The following SLCO1A2 variants were observed in gnomAD, a reference collection of about 807,000 sequenced individuals.
The protein encoded by SLCO1A2 is solute carrier organic anion transporter family member 1A2.
Under a neutral mutation model 69.0 loss-of-function variants are expected in SLCO1A2, and 67 were observed. That is an observed-to-expected ratio of 0.97 (90% confidence interval 0.80 to 1.19). The LOEUF is 1.19. Among genes scored for constraint, SLCO1A2 ranks in the 50% most tolerant of loss-of-function variants. The pLI is 0.00. For synonymous variants in SLCO1A2, 260 were observed against 265.9 expected (o/e 0.98, Z 0.22); for missense variants, 787 against 793.7 (o/e 0.99, Z 0.10).
chr12:21,299,283 G>A (rs899181493), intron 8 of SLCO1A2, among the ~76,000 whole-genome samples: 48 of 151,978 alleles, frequency 3.2e-4, no homozygotes, highest in African/African-American at 1.1e-3. Context: ...GTGCTCTTGA[G>A]TACTAAATAC....
At chr12:21,303,398 AAAG>A (rs1445598329) in intron 6 of SLCO1A2, among the ~76,000 whole-genome samples, 1 of 152,204 alleles carries the variant, frequency 6.6e-6, no homozygotes, top group Admixed American at 6.5e-5. Context: ...AATCACTGAA[AAAG>A]ATTATTGCAA....
chr12:21,324,353 G>A (rs1220465139), intron 2 of SLCO1A2, among the ~76,000 whole-genome samples: 1 of 152,146 alleles, frequency 6.6e-6, no homozygotes, highest in African/African-American at 2.4e-5. Flanking sequence ...CAGTTTGTGT[G>A]TAAAAATAAG....
intron 1 of SLCO1A2, chr12:21,403,695 C>T (rs1941774626): frequency 6.8e-6 from 1 of 147,410 alleles, no homozygotes; most frequent in Non-Finnish European, 1.5e-5. Context: ...CACTTGGAAC[C>T]AGAGGCTCCT....
At chr12:21,325,514 A>G (rs545674623) in intron 2 of SLCO1A2, among the ~76,000 whole-genome samples, 1 of 152,284 alleles carries the variant, frequency 6.6e-6, no homozygotes, top group South Asian at 2.1e-4. Flanking sequence ...TTCAATCTTC[A>G]TCTTAATTTG....
chr12:21,276,428 C>T (rs1381615151), intron 12 of SLCO1A2, among the ~76,000 whole-genome samples: 5 of 135,322 alleles, frequency 3.7e-5, no homozygotes, highest in Non-Finnish European at 8.1e-5. Context: ...ACACACAGAC[C>T]TATCTGTCCA....
At chr12:21,345,017 G>A (rs941720501) in intron 2 of SLCO1A2, among the ~76,000 whole-genome samples, 1 of 151,770 alleles carries the variant, frequency 6.6e-6, no homozygotes, top group Non-Finnish European at 1.5e-5. Flanking sequence ...CATAAGAAAG[G>A]GTGGGTAAAT....
rs189106057 is a variant in SLCO1A2 at position 21,363,768 on chromosome 12, C to A, written c.-63+10631G>T. Among the ~76,000 whole-genome samples the A allele has an allele frequency of 3.8e-3, 574 of 152,290 alleles. 4 individuals carry two copies. Among genetic ancestry groups the A allele is most frequent in the African/African-American group, 0.013 (523 of 41,552 alleles). On this transcript the variant is annotated intron_variant, in intron 2 of 15. Transcript: ENST00000307378. ...CTACTATCAGAGAATACTATAAACACCTCTGTGCAAATCAGCTAGAAAATC... is the reference window on the plus strand; with the variant it reads ...CTACTATCAGAGAATACTATAAACAACTCTGTGCAAATCAGCTAGAAAATC...
At position 21,268,897 on chromosome 12, in the gene SLCO1A2, C is replaced by T. The variant is rs1942343411; in HGVS notation, c.*651G>A. 1 of 151,932 alleles carries T rather than the reference C, an allele frequency of 6.6e-6. No homozygotes were observed. The highest frequency in any genetic ancestry group is 2.1e-4 in the South Asian group (1 of 4,830). The allele number at this position is 151,932 out of a possible 1,614,324, so 9.4% of individuals were successfully genotyped here. On this transcript the variant is annotated 3_prime_UTR_variant, in exon 15 of 15. Coordinates refer to ENST00000683939, the MANE Select transcript of SLCO1A2 (RefSeq NM_001386879.1). ...AAAAAAAATCCAACAATCTTTGCCT[C>T]ATGATGTTTAATAACCTGCTTAAGT...
chr12:21,362,983 C>G (rs998156515), intron 2 of SLCO1A2, among the ~76,000 whole-genome samples: 7 of 152,132 alleles, frequency 4.6e-5, no homozygotes, highest in African/African-American at 1.4e-4. Flanking sequence ...TTAGACAGAT[C>G]AACAAGACAG....
In SLCO1A2 at chr12:21,264,825, C is replaced by T. The variant is rs878904537; in HGVS notation, c.*4723G>A. 6.6e-6 allele frequency: 1 copy of T among 152,144 alleles called. No individual in the cohort carries two copies. Among genetic ancestry groups the T allele is most frequent in the African/African-American group, 2.4e-5 (1 of 41,408 alleles). 9.4% of individuals were successfully genotyped at this position (152,144 alleles called of 1,614,324 possible). On this transcript the variant is annotated 3_prime_UTR_variant, in exon 15 of 15. Transcript: ENST00000683939. ...TGACCACAGGATCATTTGATCATTA[C>T]TAACTGTGCAGGAATATTTACAACA...
intron 1 of SLCO1A2, among the ~76,000 whole-genome samples, chr12:21,389,165 A>C (rs949110231): frequency 1.3e-5 from 2 of 152,136 alleles, no homozygotes; most frequent in Non-Finnish European, 2.9e-5. Flanking sequence ...ATCTGAGGTA[A>C]ACTGTTTTTT....
chr12:21,392,338 T>C (rs941819166), intron 1 of SLCO1A2, among the ~76,000 whole-genome samples: 10 of 152,212 alleles, frequency 6.6e-5, no homozygotes, highest in African/African-American at 2.2e-4. Flanking sequence ...AAGCTCCTTT[T>C]CAAATGTAGC....
At chr12:21,319,355 A>G (rs1360157224) in intron 2 of SLCO1A2, 2 of 1,368,148 alleles carry the variant, frequency 1.5e-6, no homozygotes, top group Non-Finnish European at 2.0e-6. Flanking sequence ...CTGCAGGACA[A>G]TAGGTCCCCA....
Position 21,269,804 on chromosome 12 carries a change from A to G in SLCO1A2, c.1794-37T>C, listed in dbSNP as rs182696203. On this transcript the variant is annotated intron_variant, in intron 14 of 14. Coordinates refer to ENST00000683939, the MANE Select transcript of SLCO1A2 (RefSeq NM_001386879.1). ...AAAGTTAAAACATATTAAATATTAC[A>G]TAGTGTGGTTAGTGCAAACTAAATT... The G allele has an allele frequency of 1.5e-5, 23 of 1,528,898 alleles. No individual in the cohort carries two copies. In the South Asian group the frequency reaches 1.6e-4, roughly 10 times the overall value. 94.7% of individuals were successfully genotyped at this position (1,528,898 alleles called of 1,614,324 possible). A position where few individuals can be genotyped will look rare whatever the true frequency, so the allele number is the denominator to read the frequency against.
At chr12:21,398,865 G>A (rs1941579720), upstream of SLCO1A2, among the ~76,000 whole-genome samples, 1 of 148,384 alleles carries the variant, frequency 6.7e-6, no homozygotes, top group African/African-American at 2.5e-5. Context: ...GGTATTGATG[G>A]GATGTATTTC....
chr12:21,320,774 A>C (rs1336044080), intron 2 of SLCO1A2, among the ~76,000 whole-genome samples: 1 of 152,118 alleles, frequency 6.6e-6, no homozygotes, highest in African/African-American at 2.4e-5. Context: ...ACTGGAATTA[A>C]AAGCATGAGC....
chr12:21,316,661 C>A (rs1197541312), intron 3 of SLCO1A2, among the ~76,000 whole-genome samples: 1 of 150,944 alleles, frequency 6.6e-6, no homozygotes, highest in African/African-American at 2.4e-5. Context: ...GACTCCTTTT[C>A]TTCTACCTGT....
Position 21,295,698 on chromosome 12 carries a change from T to C in SLCO1A2, c.1170A>G (p.Ile390Met). 1 of 1,608,220 alleles carries C rather than the reference T, an allele frequency of 6.2e-7. No homozygotes were observed. Among genetic ancestry groups the C allele is most frequent in the Non-Finnish European group, 8.5e-7 (1 of 1,174,834 alleles). Residue 390 changes from isoleucine (I) to methionine (M), a missense_variant, in exon 10 of 15, where the codon ATA (isoleucine) becomes ATG (methionine). Transcript: ENST00000683939. ...FKITVKQAAHIGCWLSLLEYL... is the reference protein window; with the variant it reads ...FKITVKQAAHMGCWLSLLEYL... Reference sequence around the variant, plus strand: ...ACTCAAGTAAGGATAACCAACATCCTATGTGGGCAGCTTGTTTGACAGTAA... The same window carrying C: ...ACTCAAGTAAGGATAACCAACATCCCATGTGGGCAGCTTGTTTGACAGTAA...
intron 2 of SLCO1A2, among the ~76,000 whole-genome samples, chr12:21,351,309 T>C (rs139947399): frequency 9.2e-5 from 14 of 152,298 alleles, no homozygotes; most frequent in African/African-American, 3.1e-4. Flanking sequence ...CCTGTTTTAC[T>C]AGTGCAGTTT....
Sources: gnomAD v4.1 joint callset for allele counts (sites outside exome capture counted in the v4.1 genomes callset) on GRCh38, gnomAD v4.1.1 for gene constraint, MANE v1.5 for transcripts, NCBI Gene and HGNC (gene_info 2026-07-23, HGNC 2026-07-21) for gene names.